Variants in TEX36 observed in about 807,000 individuals in gnomAD.
TEX36 encodes the protein testis expressed 36, also known as testis-expressed protein 36.
In TEX36, 12 loss-of-function variants were observed where a neutral mutation model predicts 13.6. The observed-to-expected ratio is 0.88, with a 90% CI of 0.56 to 1.43. The LOEUF is 1.43. Ranked by LOEUF, TEX36 falls within the 40% of genes most tolerant of loss-of-function variation. The pLI is 0.00. For synonymous variants in TEX36, 93 were observed against 83.0 expected (o/e 1.12, Z -0.65); for missense variants, 224 against 228.3 (o/e 0.98, Z 0.12).
At chr10:125,584,963 A>C (rs1845926051) in intron 3 of TEX36, among the ~76,000 whole-genome samples, 1 of 152,204 alleles carries the variant, frequency 6.6e-6, no homozygotes, top group Non-Finnish European at 1.5e-5. Flanking sequence ...CTTCAACATC[A>C]TTTTAAACAA....
intron 3 of TEX36, among the ~76,000 whole-genome samples, chr10:125,603,588 G>T (rs1846176899): frequency 6.6e-6 from 1 of 152,212 alleles, no homozygotes; most frequent in Non-Finnish European, 1.5e-5. Context: ...TGCAAATGAT[G>T]GCAAAATCTG....
chr10:125,672,570 T>G (rs77583229), intron 1 of TEX36, among the ~76,000 whole-genome samples: 1,576 of 152,356 alleles, frequency 0.01, 11 homozygotes, highest in Middle Eastern at 0.034. Context: ...AGTTTCAGAG[T>G]AAATGCCATG....
intron 3 of TEX36, among the ~76,000 whole-genome samples, chr10:125,613,265 A>C (rs1186396487): frequency 1.3e-5 from 1 of 75,964 alleles, no homozygotes; most frequent in African/African-American, 5.4e-5. Context: ...TTATTTATTT[A>C]TTTATTTATT....
In TEX36 at chr10:125,661,909, C is replaced by G. The variant is rs1162617766; in HGVS notation, c.120G>C (p.Gln40His). 7.1e-6 allele frequency: 11 copies of G among 1,552,276 alleles called. No individual in the cohort carries two copies. The highest frequency in any genetic ancestry group is 9.6e-6 in the Non-Finnish European group (11 of 1,147,118). ...SITSATSKEP[Q>H]SPHLPRQAEG... ...CCGCTTGCCGAGGCAAGTGTGGACT[C>G]TGGGGCTCTTTTGACGTAGCACTGG... Residue 40 changes from glutamine to histidine, a missense_variant, in exon 2 of 4, where the codon CAG (glutamine) becomes CAC (histidine). Coordinates refer to ENST00000368821, the MANE Select transcript of TEX36 (RefSeq NM_001128202.3).
At chr10:125,621,240 G>T (rs1846426603), downstream of TEX36, among the ~76,000 whole-genome samples, 1 of 152,162 alleles carries the variant, frequency 6.6e-6, no homozygotes, top group South Asian at 2.1e-4. Context: ...TGAGTCATGT[G>T]GTAATTCGAT....
downstream of TEX36, among the ~76,000 whole-genome samples, chr10:125,616,959 C>G (rs1846367710): frequency 6.6e-6 from 1 of 152,144 alleles, no homozygotes; most frequent in African/African-American, 2.4e-5. Flanking sequence ...CTTTATGAAT[C>G]TGGGTGCTCT....
chr10:125,665,297 T>C (rs910779056), intron 1 of TEX36, among the ~76,000 whole-genome samples: 15 of 152,180 alleles, frequency 9.9e-5, no homozygotes, highest in Non-Finnish European at 1.9e-4. Context: ...GCTTTGGAGA[T>C]CTTAGTCATA....
chr10:125,589,284 A>G (rs1222291521), intron 3 of TEX36, among the ~76,000 whole-genome samples: 2 of 152,224 alleles, frequency 1.3e-5, no homozygotes, highest in Non-Finnish European at 2.9e-5. Flanking sequence ...TTTCGGATGA[A>G]TAGCTAAAAC....
At chr10:125,661,301 A>G (rs1461407917) in intron 2 of TEX36, among the ~76,000 whole-genome samples, 200 bp from the exon 3 acceptor site, 2 of 152,110 alleles carry the variant, frequency 1.3e-5, no homozygotes, top group Non-Finnish European at 1.5e-5. Context: ...TTGAAACCCC[A>G]CCTTATTTCC....
intron 3 of TEX36, among the ~76,000 whole-genome samples, chr10:125,659,434 T>A (rs888663280): frequency 1.3e-5 from 2 of 152,182 alleles, no homozygotes; most frequent in African/African-American, 4.8e-5. Context: ...GGTCAGATTG[T>A]GAGGAAGGAA....
chr10:125,644,599 G>A (rs894976009), intron 3 of TEX36, among the ~76,000 whole-genome samples: 4 of 152,140 alleles, frequency 2.6e-5, no homozygotes, highest in Non-Finnish European at 5.9e-5. Flanking sequence ...TAAGGCTTGT[G>A]GATTGTACCA....
intron 1 of TEX36, among the ~76,000 whole-genome samples, chr10:125,680,742 A>G (rs1313931727): frequency 6.6e-6 from 1 of 152,180 alleles, no homozygotes; most frequent in African/African-American, 2.4e-5. Flanking sequence ...GATCAGCACT[A>G]TTCTTTTTAT....
intron 1 of TEX36, 79 bp from the exon 2 acceptor site, chr10:125,662,056 A>G (rs1409087720): frequency 2.0e-6 from 3 of 1,508,496 alleles, no homozygotes; most frequent in East Asian, 5.0e-5. Flanking sequence ...TCCTTTGTAC[A>G]GTGATTAAAA....
intron 3 of TEX36, among the ~76,000 whole-genome samples, chr10:125,600,845 G>A (rs1489798516): frequency 6.6e-6 from 1 of 152,194 alleles, no homozygotes; most frequent in African/African-American, 2.4e-5. Flanking sequence ...AAAGCACAAA[G>A]ATCTGATTTT....
Position 125,581,169 on chromosome 10 carries a change from T to C in TEX36, c.265-4295A>G, listed in dbSNP as rs115409945. Among the ~76,000 whole-genome samples the C allele has an allele frequency of 6.7e-3, 1,022 of 152,202 alleles. 9 individuals are homozygous for C. The highest frequency in any genetic ancestry group is 0.022 in the African/African-American group (909 of 41,528). On this transcript the variant is annotated intron_variant, in intron 3 of 3. Transcript: ENST00000532135. ...TTCCTGAGGCCTTTCTCCACCTTGT[T>C]CTGTCTCTGATGCAACCAGGCACAC...
At chr10:125,582,041 G>A (rs1845889768) in intron 3 of TEX36, among the ~76,000 whole-genome samples, 1 of 152,236 alleles carries the variant, frequency 6.6e-6, no homozygotes, top group South Asian at 2.1e-4. Flanking sequence ...CAGACCTCAG[G>A]GATGGGGTGG....
intron 3 of TEX36, among the ~76,000 whole-genome samples, chr10:125,644,928 G>A (rs1055472347): frequency 1.3e-5 from 2 of 152,188 alleles, no homozygotes; most frequent in Non-Finnish European, 2.9e-5. Context: ...CCATTGCTGG[G>A]ATTGGAGATG....
intron 3 of TEX36, among the ~76,000 whole-genome samples, chr10:125,660,032 T>C (rs1847009107): frequency 6.6e-6 from 1 of 152,190 alleles, no homozygotes. Flanking sequence ...TTTTAAAGAC[T>C]TGGTTTGGAA....
Position 125,632,999 on chromosome 10 carries a change from C to T in TEX36, c.265-11354G>A, listed in dbSNP as rs116557636. ...TTAGCTGGGCCGTAGTGTCATACGC[C>T]TGTAATCCCAGCTACTCCGGAGTCT... On this transcript the variant is annotated intron_variant, in intron 3 of 3. Coordinates refer to the TEX36 transcript ENST00000526819. Among the ~76,000 whole-genome samples the T allele has an allele frequency of 7.8e-3, 1,190 of 152,216 alleles. 22 individuals carry two copies. The highest frequency in any genetic ancestry group is 0.027 in the African/African-American group (1,136 of 41,520).
Sources: gnomAD v4.1 joint callset for allele counts (sites outside exome capture counted in the v4.1 genomes callset) on GRCh38, gnomAD v4.1.1 for gene constraint, MANE v1.5 for transcripts, NCBI Gene and HGNC (gene_info 2026-07-23, HGNC 2026-07-21) for gene names.